SH3GL1: variants seen among roughly 807,000 people sequenced by gnomAD.
SH3GL1 encodes endophilin-A2.
In SH3GL1, 21 loss-of-function variants were observed where a neutral mutation model predicts 48.8. That is an observed-to-expected ratio of 0.43 (90% CI 0.30 to 0.62). SH3GL1 has a LOEUF of 0.62. Among genes scored for constraint, SH3GL1 ranks in the 20% least tolerant of loss-of-function variants. SH3GL1 has a pLI of 0.11. For synonymous variants in SH3GL1, 282 were observed against 217.5 expected, an observed-to-expected ratio of 1.30 and a Z score of -2.61; for missense variants, 454 against 503.0, an observed-to-expected ratio of 0.90 and a Z score of 0.93.
intron 1 of SH3GL1, among the ~76,000 whole-genome samples, chr19:4,382,437 T>A (rs1973154690): frequency 6.6e-6 from 1 of 151,840 alleles, no homozygotes; most frequent in African/African-American, 2.4e-5. Flanking sequence ...TTTTGTATTT[T>A]TAGTAGAGAC....
chr19:4,382,019 C>G (rs948210094), intron 1 of SH3GL1, among the ~76,000 whole-genome samples: 1 of 152,128 alleles, frequency 6.6e-6, no homozygotes, highest in Non-Finnish European at 1.5e-5. Flanking sequence ...CAGACCCTGA[C>G]AGGGATCACC....
chr19:4,394,519 G>GT (rs1454127918), intron 1 of SH3GL1, among the ~76,000 whole-genome samples: 1 of 152,116 alleles, frequency 6.6e-6, no homozygotes, highest in Non-Finnish European at 1.5e-5. Flanking sequence ...ATGACAAGAA[G>GT]TAAAAACTCA....
At position 4,364,154 on chromosome 19, in the gene SH3GL1, G is replaced by C; in HGVS notation, c.399C>G (p.Ile133Met). Residue 133 changes from isoleucine (I) to methionine (M), a missense_variant, in exon 5 of 10, where the codon ATC (isoleucine) becomes ATG (methionine). Physicochemically the swap from Ile to Met is conservative, Grantham distance 10. Coordinates refer to ENST00000269886, the MANE Select transcript of SH3GL1 (RefSeq NM_003025.4). ...RLAEVKDSLD[I>M]EVKQNFIDPL... ...GGTCAATGAAGTTCTGCTTGACCTC[G>C]ATGTCCAGGGAGTCCTTCACCTCTG... The C allele has an allele frequency of 6.2e-7, 1 of 1,613,944 alleles. No individual in the cohort carries two copies. Among genetic ancestry groups the C allele is most frequent in the Non-Finnish European group, 8.5e-7 (1 of 1,179,994 alleles).
chr19:4,399,810 T>G (rs1973489759), intron 1 of SH3GL1, among the ~76,000 whole-genome samples: 1 of 151,922 alleles, frequency 6.6e-6, no homozygotes. Context: ...ACATACGGAG[T>G]CGATGACAGT....
At chr19:4,379,493 G>A (rs1973077866) in intron 1 of SH3GL1, among the ~76,000 whole-genome samples, 1 of 151,888 alleles carries the variant, frequency 6.6e-6, no homozygotes, top group African/African-American at 2.4e-5. Context: ...AAAGAAGGTT[G>A]GTAGAAAATT....
rs1361008143 is a variant in SH3GL1 at position 4,376,867 on chromosome 19, T to C, written c.46-9873A>G. 6.6e-6 allele frequency among the ~76,000 whole-genome samples: 1 copy of C among 152,150 alleles called. No homozygotes were observed. The highest frequency in any genetic ancestry group is 1.5e-5 in the Non-Finnish European group (1 of 68,026). ...CTCAGACACAGGAAGCACTCTCCAATGCTTAGCGCCCTAGAATAAAGGACC... is the reference window on the plus strand; with the variant it reads ...CTCAGACACAGGAAGCACTCTCCAACGCTTAGCGCCCTAGAATAAAGGACC... On this transcript the variant is annotated intron_variant, in intron 1 of 9. Coordinates refer to ENST00000269886, the MANE Select transcript of SH3GL1 (RefSeq NM_003025.4). This position sits in a 1 kb window ranked among gnomAD's most constrained non-coding sequence, Gnocchi z 4.3.
chr19:4,394,582 T>C (rs1408127294), intron 1 of SH3GL1, among the ~76,000 whole-genome samples: 2 of 152,210 alleles, frequency 1.3e-5, no homozygotes, highest in African/African-American at 4.8e-5. Context: ...CAAAAGGTTT[T>C]GCAGGGAGAT....
chr19:4,363,343 CTG>C (rs765225859), intron 7 of SH3GL1, 25 bp downstream of exon 7: 1 of 1,558,196 alleles, frequency 6.4e-7, no homozygotes, highest in African/African-American at 1.4e-5. Context: ...AGCCCAGACT[CTG>C]GAGAGACCAA....
intron 1 of SH3GL1, among the ~76,000 whole-genome samples, chr19:4,373,171 C>T (rs1265383101): frequency 6.6e-6 from 1 of 152,188 alleles, no homozygotes; most frequent in Admixed American, 6.5e-5. Context: ...GTGACCCTCA[C>T]AGGTGCCAGG....
In SH3GL1 at chr19:4,389,670, T is replaced by C. The variant is rs900146676; in HGVS notation, c.45+10654A>G. The stretch of plus-strand genomic sequence containing the variant: ...ACAAACTCGACACGAGGCCATCCGC[T>C]GTAGGGTGGGGGCCACGGTGGCCCA... On this transcript the variant is annotated intron_variant, in intron 1 of 9. Transcript: ENST00000269886. The surrounding 1 kb of genome is among the most constrained non-coding windows in gnomAD (Gnocchi z 4.5). Among the ~76,000 whole-genome samples, 30 of 152,170 alleles carry C rather than the reference T, an allele frequency of 2.0e-4. No individual in the cohort carries two copies. Among genetic ancestry groups the C allele is most frequent in the Admixed American group, 1.0e-3 (16 of 15,280 alleles).
intron 1 of SH3GL1, among the ~76,000 whole-genome samples, chr19:4,374,259 C>T (rs747652511): frequency 1.3e-5 from 2 of 152,318 alleles, no homozygotes; most frequent in Admixed American, 1.3e-4. Flanking sequence ...GTGACAGCCA[C>T]GACAGGAAAT....
chr19:4,366,897 C>A (rs765446366), intron 2 of SH3GL1, 29 bp downstream of exon 2: 3 of 1,608,832 alleles, frequency 1.9e-6, no homozygotes, highest in Admixed American at 1.7e-5. Context: ...AGTGCCACCA[C>A]CACACAGAGC....
At chr19:4,387,954 A>C (rs1973267101) in intron 1 of SH3GL1, among the ~76,000 whole-genome samples, 1 of 151,384 alleles carries the variant, frequency 6.6e-6, no homozygotes, top group Non-Finnish European at 1.5e-5. Flanking sequence ...CTGCCTCCTG[A>C]GTTCAAGCGA....
intron 4 of SH3GL1, 95 bp from the exon 5 acceptor site, chr19:4,364,316 G>C: frequency 6.7e-7 from 1 of 1,501,484 alleles, no homozygotes; most frequent in Non-Finnish European, 9.2e-7. Flanking sequence ...GCGTTTCACA[G>C]GCTGGAACGC....
chr19:4,363,627 A>G, intron 6 of SH3GL1, 93 bp downstream of exon 6: 1 of 1,534,262 alleles, frequency 6.5e-7, no homozygotes, highest in Non-Finnish European at 9.0e-7. Flanking sequence ...GCGGCCAGGT[A>G]GGTGCCGATC....
At chr19:4,364,847 C>A (rs954526997) in intron 4 of SH3GL1, among the ~76,000 whole-genome samples, 1 of 142,322 alleles carries the variant, frequency 7.0e-6, no homozygotes, top group East Asian at 2.0e-4. Flanking sequence ...TACAGGCATG[C>A]ACTACCACAC....
intron 6 of SH3GL1, 30 bp from the exon 7 acceptor site, chr19:4,363,503 T>G (rs201011205): frequency 2.5e-5 from 39 of 1,582,768 alleles, no homozygotes; most frequent in Admixed American, 1.2e-4. Context: ...CAGGGGCTCC[T>G]GCCAGTGCCA....
chr19:4,389,987 G>A lies in SH3GL1; in HGVS notation c.45+10337C>T, dbSNP rs2144918027. On this transcript the variant is annotated intron_variant, in intron 1 of 9. Transcript: ENST00000269886. This position sits in a 1 kb window ranked among gnomAD's most constrained non-coding sequence, Gnocchi z 4.5. ...CATCTGGATTCTGAGTATCTGCCAT[G>A]ACCACCGCCCCTACAGACTGTGTCA... 1 of 152,504 alleles carries A rather than the reference G, an allele frequency of 6.6e-6. No individual in the cohort carries two copies. The highest frequency in any genetic ancestry group is 2.1e-4 in the South Asian group (1 of 4,830). 9.4% of individuals were successfully genotyped at this position (152,504 alleles called of 1,614,324 possible).
intron 1 of SH3GL1, among the ~76,000 whole-genome samples, chr19:4,368,164 C>G (rs1972822088): frequency 6.6e-6 from 1 of 152,200 alleles, no homozygotes; most frequent in Non-Finnish European, 1.5e-5. Flanking sequence ...TGGCCTGTGC[C>G]CCTGGTGCTC....
Sources: allele counts gnomAD v4.1 joint callset (sites outside exome capture counted in the v4.1 genomes callset), GRCh38; gene constraint gnomAD v4.1.1; non-coding constraint Gnocchi (gnomAD v3.1); transcripts MANE v1.5; gene names NCBI Gene and HGNC (gene_info 2026-07-23, HGNC 2026-07-21).